The following TBC1D19 variants were observed in gnomAD, a reference collection of about 807,000 sequenced individuals.
The protein encoded by TBC1D19 is TBC1 domain family member 19.
In TBC1D19, 60 loss-of-function variants were observed where a neutral mutation model predicts 89.0. The observed-to-expected ratio is 0.67, with a 90% CI of 0.55 to 0.84. The LOEUF (loss-of-function observed/expected upper bound fraction) is 0.84. Among genes scored for constraint, TBC1D19 ranks in the 40% least tolerant of loss-of-function variants. TBC1D19 has a pLI of 0.00. For missense variants in TBC1D19, 500 were observed against 610.8 expected, an observed-to-expected ratio of 0.82 and a Z score of 1.91; for synonymous variants, 189 against 199.7, an observed-to-expected ratio of 0.95 and a Z score of 0.45.
At chr4:26,632,652 A>G (rs1742874445) in intron 4 of TBC1D19, among the ~76,000 whole-genome samples, 2 of 152,010 alleles carry the variant, frequency 1.3e-5, no homozygotes, top group African/African-American at 4.8e-5. Context: ...ACAGAAATAC[A>G]TTGTAACTCC....
intron 15 of TBC1D19, among the ~76,000 whole-genome samples, chr4:26,724,495 A>G (rs1260340193): frequency 3.3e-5 from 5 of 152,134 alleles, no homozygotes; most frequent in Admixed American, 2.0e-4. Context: ...AAATATTTTT[A>G]TAAAGATATT....
intron 11 of TBC1D19, among the ~76,000 whole-genome samples, chr4:26,682,714 A>G (rs189981908): frequency 2.0e-5 from 3 of 152,278 alleles, no homozygotes; most frequent in Admixed American, 6.5e-5. Flanking sequence ...TAGCATAACT[A>G]TTACCCAGTT....
intron 13 of TBC1D19, among the ~76,000 whole-genome samples, chr4:26,691,668 T>C (rs185722563): frequency 6.5e-4 from 99 of 152,328 alleles, no homozygotes; most frequent in African/African-American, 2.3e-3. Context: ...TAGACTATAG[T>C]GTAGTATAAA....
chr4:26,616,777 A>G (rs1741728264), intron 3 of TBC1D19, among the ~76,000 whole-genome samples: 1 of 152,222 alleles, frequency 6.6e-6, no homozygotes, highest in Non-Finnish European at 1.5e-5. Context: ...ATTTTAAACT[A>G]GTGTAGGTTA....
At chr4:26,792,657 C>T in the TBC1D19 span, among the ~76,000 whole-genome samples, 1 of 103,358 alleles carries the variant, frequency 9.7e-6, no homozygotes, top group African/African-American at 4.0e-5. Flanking sequence ...TTGAATTTTT[C>T]CTTTTATTCT....
chr4:26,814,297 C>T, the TBC1D19 span, among the ~76,000 whole-genome samples: 3 of 152,092 alleles, frequency 2.0e-5, no homozygotes, highest in Non-Finnish European at 2.9e-5. Context: ...TCAGAGTGTG[C>T]GGTGATAATA....
intron 1 of TBC1D19, among the ~76,000 whole-genome samples, chr4:26,599,268 TG>T (rs1438743804): frequency 2.6e-5 from 4 of 152,226 alleles, no homozygotes; most frequent in Admixed American, 6.5e-5. Context: ...CTTTACAATC[TG>T]CTTTAATAAT....
intron 3 of TBC1D19, among the ~76,000 whole-genome samples, chr4:26,616,056 AT>A (rs912292867): frequency 3.0e-4 from 46 of 151,496 alleles, no homozygotes; most frequent in African/African-American, 9.0e-4. Flanking sequence ...ACTCGTTGGG[AT>A]TTTTTTTTAA....
chr4:26,611,911 C>T (rs1741401163), intron 1 of TBC1D19, among the ~76,000 whole-genome samples: 1 of 151,966 alleles, frequency 6.6e-6, no homozygotes, highest in Non-Finnish European at 1.5e-5. Context: ...TTTATAGGTA[C>T]TAGATTGCTC....
chr4:26,826,761 G>T, the TBC1D19 span, among the ~76,000 whole-genome samples: 2 of 152,220 alleles, frequency 1.3e-5, no homozygotes, highest in Non-Finnish European at 2.9e-5. Flanking sequence ...CTTCATGAGG[G>T]TTACTGCCCC....
intron 13 of TBC1D19, among the ~76,000 whole-genome samples, chr4:26,699,412 G>T (rs1199646574): frequency 6.6e-6 from 1 of 152,196 alleles, no homozygotes; most frequent in Admixed American, 6.5e-5. Context: ...TACACTGTTG[G>T]TGGGACTGTA....
intron 9 of TBC1D19, among the ~76,000 whole-genome samples, chr4:26,671,238 TGG>T (rs1239259409): frequency 6.6e-6 from 1 of 151,768 alleles, no homozygotes; most frequent in African/African-American, 2.4e-5. Context: ...GCTATTGTGG[TGG>T]TTGTGTATTT....
intron 3 of TBC1D19, among the ~76,000 whole-genome samples, chr4:26,618,901 A>T (rs1316256630): frequency 6.6e-6 from 1 of 152,144 alleles, no homozygotes; most frequent in East Asian, 1.9e-4. Flanking sequence ...AAATAGAGTC[A>T]AGTGTGCTGT....
At chr4:26,694,020 C>T (rs1389304519) in intron 13 of TBC1D19, among the ~76,000 whole-genome samples, 2 of 152,108 alleles carry the variant, frequency 1.3e-5, no homozygotes, top group African/African-American at 4.8e-5. Flanking sequence ...GTACCGGGTT[C>T]ACCTCACTGG....
the TBC1D19 span, among the ~76,000 whole-genome samples, chr4:26,842,583 C>CCTCTCTTTCTTT: frequency 1.4e-5 from 1 of 70,538 alleles, no homozygotes; most frequent in Non-Finnish European, 2.9e-5. Flanking sequence ...TTCCTCCCTC[C>CCTCTCTTTCTTT]CTTTCTTTCT....
intron 4 of TBC1D19, among the ~76,000 whole-genome samples, chr4:26,623,164 T>C (rs767812290): frequency 9.9e-5 from 15 of 152,180 alleles, no homozygotes; most frequent in Non-Finnish European, 1.8e-4. Flanking sequence ...CTTCCTTACG[T>C]TTCATAATCT....
chr4:26,604,148 C>CTTTT (rs1173641270), intron 1 of TBC1D19, among the ~76,000 whole-genome samples: 18 of 120,702 alleles, frequency 1.5e-4, no homozygotes, highest in African/African-American at 3.3e-4. Flanking sequence ...TTTTCTTTTT[C>CTTTT]TTTTTTTTTT....
the TBC1D19 span, among the ~76,000 whole-genome samples, chr4:26,801,509 A>G: frequency 2.6e-5 from 4 of 152,100 alleles, no homozygotes; most frequent in Admixed American, 6.5e-5. Context: ...TTGGTTCCAT[A>G]TGAACTTTGA....
chr4:26,837,465 C>G, the TBC1D19 span, among the ~76,000 whole-genome samples: 11 of 152,018 alleles, frequency 7.2e-5, no homozygotes, highest in African/African-American at 2.7e-4. Flanking sequence ...AAGGTAGGGC[C>G]CCTAGGAGAT....
Sources: gnomAD v4.1 joint callset for allele counts (sites outside exome capture counted in the v4.1 genomes callset) on GRCh38, gnomAD v4.1.1 for gene constraint, MANE v1.5 for transcripts, NCBI Gene and HGNC (gene_info 2026-07-23, HGNC 2026-07-21) for gene names.